UBASH3B: variants seen among roughly 807,000 people sequenced by gnomAD.
UBASH3B encodes ubiquitin associated and SH3 domain containing B.
Under a neutral mutation model 83.4 loss-of-function variants are expected in UBASH3B, and 37 were observed. The ratio of observed to expected loss-of-function variants is 0.44; its 90% CI spans 0.34 to 0.58. UBASH3B has a LOEUF of 0.58. Ranked by LOEUF, UBASH3B falls within the 20% of genes least tolerant of loss-of-function variation. The pLI, the probability that UBASH3B is intolerant of heterozygous loss-of-function variation, is 0.01. For synonymous variants in UBASH3B, 304 were observed against 318.3 expected, an observed-to-expected ratio of 0.96 and a Z score of 0.48; for missense variants, 657 against 827.2, an observed-to-expected ratio of 0.79 and a Z score of 2.52.
chr11:122,777,103 C>T lies in UBASH3B; in HGVS notation c.295C>T (p.Pro99Ser), dbSNP rs1416910993. ...CGTCCTCTACCTCCGTCCCACCGGC[C>T]CCTTAGCACAGAAGCTTTCCGACTT... ...EYVLYLRPTG[P>S]LAQKLSDFWQ... The change falls in exon 3 of 14, where the codon CCC becomes TCC. Residue 99 changes from proline to serine, a missense_variant. Around this residue, in one of 3 missense-constraint regions of UBASH3B, gnomAD observed 573 missense variants for 739.0 expected, o/e 0.78. Coordinates refer to ENST00000284273, the MANE Select transcript of UBASH3B (RefSeq NM_032873.5). The T allele has an allele frequency of 1.2e-6, 2 of 1,614,098 alleles. No homozygotes were observed. The highest frequency in any genetic ancestry group is 1.1e-5 in the South Asian group (1 of 91,068).
Position 122,699,515 on chromosome 11 carries a change from TTC to T in UBASH3B, c.161+43309_161+43310del, listed in dbSNP as rs372120321. ...TCTTTTTAAATCTTTCTTTCTTTCTTTCTCTTTCTTTCTTTCTCTTTCTTTCT... is the reference window on the plus strand; with the variant it reads ...TCTTTTTAAATCTTTCTTTCTTTCTTTCTTTCTTTCTTTCTCTTTCTTTCT... On this transcript the variant is annotated intron_variant, in intron 1 of 13. Coordinates refer to ENST00000284273, the MANE Select transcript of UBASH3B (RefSeq NM_032873.5). Among the ~76,000 whole-genome samples, 327 of 139,196 alleles carry T rather than the reference TTC, an allele frequency of 2.3e-3. 2 individuals carry two copies. The highest frequency in any genetic ancestry group is 6.5e-3 in the African/African-American group (239 of 36,962). 91.3% of individuals were successfully genotyped at this position (139,196 alleles called of 152,430 possible).
At chr11:122,679,581 C>G (rs938513724) in intron 1 of UBASH3B, among the ~76,000 whole-genome samples, 1 of 152,144 alleles carries the variant, frequency 6.6e-6, no homozygotes, top group Non-Finnish European at 1.5e-5. Flanking sequence ...TCTGGGACAC[C>G]TTGATCTCTA....
Position 122,811,255 on chromosome 11 carries a change from TAGA to T in UBASH3B, c.*1373_*1375del, listed in dbSNP as rs1861443427. 6.6e-6 allele frequency: 1 copy of T among 152,658 alleles called. No individual in the cohort carries two copies. The highest frequency in any genetic ancestry group is 1.5e-5 in the Non-Finnish European group (1 of 68,040). 9.5% of individuals were successfully genotyped at this position (152,658 alleles called of 1,614,324 possible). ...GTCTCCTATGGTATAGTTCACTCTGTAGAAGATGTATGCAAAGTGAAATGCCAG... is the reference window on the plus strand; with the variant it reads ...GTCTCCTATGGTATAGTTCACTCTGTAGATGTATGCAAAGTGAAATGCCAG... On this transcript the variant is annotated 3_prime_UTR_variant, in exon 14 of 14. Coordinates refer to ENST00000284273, the MANE Select transcript of UBASH3B (RefSeq NM_032873.5).
intron 1 of UBASH3B, among the ~76,000 whole-genome samples, chr11:122,689,415 G>A (rs968082055): frequency 2.0e-5 from 3 of 152,022 alleles, no homozygotes; most frequent in Admixed American, 1.3e-4. Context: ...TCTTACACAC[G>A]AATTTTTGTG....
rs935352307 is a variant in UBASH3B, at chr11:122,813,971, C to T, written c.*4085C>T. The T allele has an allele frequency of 1.3e-5, 2 of 152,288 alleles. No individual in the cohort carries two copies. The highest frequency in any genetic ancestry group is 2.9e-5 in the Non-Finnish European group (2 of 68,030). 9.4% of individuals were successfully genotyped at this position (152,288 alleles called of 1,614,324 possible). On this transcript the variant is annotated 3_prime_UTR_variant, in exon 14 of 14. Transcript: ENST00000284273. ...GTTTAAAATTATAGTGATGACTAGT[C>T]GAACTTAATATACAATCAGTTCTTG...
chr11:122,797,140 T>G, intron 9 of UBASH3B, 107 bp downstream of exon 9: 1 of 1,425,814 alleles, frequency 7.0e-7, no homozygotes, highest in Non-Finnish European at 9.5e-7. Flanking sequence ...ATAACTTTCC[T>G]ACAAGTTTCC....
At chr11:122,799,069 A>G (rs1565571013) in intron 10 of UBASH3B, 35 bp downstream of exon 10, 2 of 1,562,524 alleles carry the variant, frequency 1.3e-6, no homozygotes, top group East Asian at 2.2e-5. Context: ...CAAGTAGTCC[A>G]TCCCTCTCTT....
intron 1 of UBASH3B, among the ~76,000 whole-genome samples, chr11:122,716,278 T>G (rs1860524054): frequency 6.6e-6 from 1 of 152,214 alleles, no homozygotes; most frequent in Non-Finnish European, 1.5e-5. Context: ...GCTCATGTGG[T>G]CCTTCTGCCT....
In UBASH3B at chr11:122,806,592, T is replaced by A. The variant is rs1861343403; in HGVS notation, c.1702+76T>A. The A allele has an allele frequency of 7.1e-7, 1 of 1,409,268 alleles. No individual in the cohort carries two copies. Among genetic ancestry groups the A allele is most frequent in the Non-Finnish European group, 9.3e-7 (1 of 1,080,984 alleles). The allele number at this position is 1,409,268 out of a possible 1,614,324, so 87.3% of individuals were successfully genotyped here. On this transcript the variant is annotated intron_variant, in intron 12 of 13. Transcript: ENST00000284273. This position sits in a 1 kb window ranked among gnomAD's most constrained non-coding sequence, Gnocchi z 4.0. ...ATAATGGTTAATAGGTTATTCAAGA[T>A]GTTTCAACTTGCTTTGGCTAACCAA...
chr11:122,747,684 A>C (rs753736586), intron 1 of UBASH3B, among the ~76,000 whole-genome samples: 17 of 152,314 alleles, frequency 1.1e-4, no homozygotes, highest in Non-Finnish European at 1.5e-4. Context: ...GAACGTCTTT[A>C]AGCTTCTGAA....
rs776708728 is a variant in UBASH3B, at chr11:122,744,892, TGTGTGTGCGC to T, written c.162-31325_162-31316del. 7.2e-3 allele frequency among the ~76,000 whole-genome samples: 997 copies of T among 138,614 alleles called. 5 individuals carry two copies. Among genetic ancestry groups the T allele is most frequent in the Non-Finnish European group, 0.012 (732 of 61,698 alleles). The allele number at this position is 138,614 out of a possible 152,430, so 90.9% of individuals were successfully genotyped here. ...GTGACTCTGTGTGTGTGTGTGTGTG[TGTGTGTGCGC>T]GCGCGCGCGCACTTGGGCACGTGAG... On this transcript the variant is annotated intron_variant, in intron 1 of 13. Coordinates refer to ENST00000284273, the MANE Select transcript of UBASH3B (RefSeq NM_032873.5).
intron 1 of UBASH3B, among the ~76,000 whole-genome samples, chr11:122,723,735 T>C (rs1319058522): frequency 6.6e-6 from 1 of 152,220 alleles, no homozygotes; most frequent in African/African-American, 2.4e-5. Context: ...GAGTTAGTGG[T>C]AAACCTTTCC....
intron 1 of UBASH3B, among the ~76,000 whole-genome samples, chr11:122,703,827 C>A (rs2135930909): frequency 6.6e-6 from 1 of 152,310 alleles, no homozygotes; most frequent in East Asian, 1.9e-4. Flanking sequence ...TGGAAAGATG[C>A]ATTTCTCTAG....
intron 1 of UBASH3B, among the ~76,000 whole-genome samples, chr11:122,770,210 G>A (rs923581834): frequency 2.6e-5 from 4 of 152,220 alleles, no homozygotes; most frequent in African/African-American, 9.6e-5. Context: ...ACAGCTCCAA[G>A]TAACTGGAAA....
At chr11:122,687,301 A>T (rs1190985764) in intron 1 of UBASH3B, among the ~76,000 whole-genome samples, 1 of 152,246 alleles carries the variant, frequency 6.6e-6, no homozygotes, top group Non-Finnish European at 1.5e-5. Flanking sequence ...TGTGTAATAC[A>T]TATAAGGTCA....
chr11:122,708,248 A>C (rs1844722870), intron 1 of UBASH3B, among the ~76,000 whole-genome samples: 1 of 148,642 alleles, frequency 6.7e-6, no homozygotes, highest in Non-Finnish European at 1.5e-5. Context: ...GATGCTGACT[A>C]TTCTCCAAGG....
At chr11:122,710,155 A>G (rs946611022) in intron 1 of UBASH3B, among the ~76,000 whole-genome samples, 9 of 144,586 alleles carry the variant, frequency 6.2e-5, no homozygotes, top group Non-Finnish European at 1.2e-4. Context: ...GACTGTCTCA[A>G]AAAAAAAAAA....
intron 1 of UBASH3B, among the ~76,000 whole-genome samples, chr11:122,683,930 G>A (rs1016631821): frequency 1.3e-5 from 2 of 152,110 alleles, no homozygotes; most frequent in Non-Finnish European, 2.9e-5. Flanking sequence ...CCCAGATTAT[G>A]CTGATTGCAG....
intron 1 of UBASH3B, among the ~76,000 whole-genome samples, chr11:122,775,230 G>C (rs899409951): frequency 1.3e-5 from 2 of 152,260 alleles, no homozygotes; most frequent in Admixed American, 6.5e-5. Flanking sequence ...AGCAAGGCTA[G>C]ATACAAATCC....
Sources: gnomAD v4.1 joint callset for allele counts (sites outside exome capture counted in the v4.1 genomes callset) on GRCh38, gnomAD v4.1.1 for gene constraint, gnomAD v4.1.1 regional missense constraint, Gnocchi (gnomAD v3.1) non-coding constraint, MANE v1.5 for transcripts, NCBI Gene and HGNC (gene_info 2026-07-23, HGNC 2026-07-21) for gene names.